Variants in FYN observed in about 807,000 individuals in gnomAD.
FYN encodes the protein tyrosine-protein kinase Fyn.
Under a neutral mutation model 70.2 loss-of-function variants are expected in FYN, and 10 were observed. The ratio of observed to expected loss-of-function variants is 0.14; its 90% CI spans 0.09 to 0.24. The LOEUF (loss-of-function observed/expected upper bound fraction) is 0.24, where lower values mean the gene tolerates loss of function less well. Among genes scored for constraint, FYN ranks in the 10% least tolerant of loss-of-function variants. The pLI is 1.00. For synonymous variants in FYN, 236 were observed against 248.6 expected (o/e 0.95, Z 0.48); for missense variants, 319 against 673.1 (o/e 0.47, Z 5.82).
At chr6:111,861,766 G>A (rs749737188) in intron 1 of FYN, among the ~76,000 whole-genome samples, 10 of 152,158 alleles carry the variant, frequency 6.6e-5, no homozygotes, top group Non-Finnish European at 1.0e-4. Context: ...TTTGAGTTTC[G>A]TTATAGAAAT....
intron 3 of FYN, among the ~76,000 whole-genome samples, chr6:111,743,769 G>A (rs1333038760): frequency 1.3e-5 from 2 of 152,208 alleles, no homozygotes; most frequent in Non-Finnish European, 2.9e-5. Context: ...TTATGAATAT[G>A]TTTAAGATCT....
chr6:111,825,334 T>G (rs2114385605), intron 2 of FYN, among the ~76,000 whole-genome samples: 1 of 152,320 alleles, frequency 6.6e-6, no homozygotes, highest in South Asian at 2.1e-4. Flanking sequence ...AACATAGAGC[T>G]TCTGGGATTT....
At chr6:111,831,450 A>T (rs1773014821) in intron 2 of FYN, among the ~76,000 whole-genome samples, 1 of 152,162 alleles carries the variant, frequency 6.6e-6, no homozygotes, top group Non-Finnish European at 1.5e-5. Flanking sequence ...CCTCACAAAA[A>T]GTTTAATATG....
At position 111,694,280 on chromosome 6, in the gene FYN, C is replaced by A; in HGVS notation, c.1273+95G>T. ...TGAAGAATGACATTTCAAGTATTTT[C>A]TGAAGGAAGGGAAGGGAAGGAGGAA... On this transcript the variant is annotated intron_variant, in intron 12 of 13. Coordinates refer to ENST00000354650, the MANE Select transcript of FYN (RefSeq NM_002037.5). This position sits in a 1 kb window ranked among gnomAD's most constrained non-coding sequence, Gnocchi z 5.0. 1 of 1,471,596 alleles carries A rather than the reference C, an allele frequency of 6.8e-7. No homozygotes were observed. The highest frequency in any genetic ancestry group is 9.3e-7 in the Non-Finnish European group (1 of 1,072,168). 91.2% of individuals were successfully genotyped at this position (1,471,596 alleles called of 1,614,324 possible).
At chr6:111,705,764 G>T (rs1180671978) in intron 6 of FYN, among the ~76,000 whole-genome samples, 1 of 152,154 alleles carries the variant, frequency 6.6e-6, no homozygotes, top group African/African-American at 2.4e-5. Flanking sequence ...CACGAGAATT[G>T]CTTGAACCAG....
At chr6:111,819,294 A>G (rs1772585422) in intron 2 of FYN, among the ~76,000 whole-genome samples, 1 of 152,224 alleles carries the variant, frequency 6.6e-6, no homozygotes, top group African/African-American at 2.4e-5. Context: ...ATAAAACAAC[A>G]TTCCCAAAAG....
Position 111,862,297 on chromosome 6 carries a change from CA to C in FYN, c.-123+10670del, listed in dbSNP as rs1773985461. 2.0e-5 allele frequency among the ~76,000 whole-genome samples: 3 copies of C among 152,108 alleles called. No homozygotes were observed. In the South Asian group the frequency reaches 6.2e-4, roughly 32 times the overall value. ...TTCCCCAATCACCCTAAATTTTTAA[CA>C]AAAAGCTCAAGATTACAAACAAAAA... On this transcript the variant is annotated intron_variant, in intron 1 of 13. Coordinates refer to ENST00000354650, the MANE Select transcript of FYN (RefSeq NM_002037.5).
chr6:111,846,927 C>CACAA, intron 1 of FYN, among the ~76,000 whole-genome samples: 1 of 152,308 alleles, frequency 6.6e-6, no homozygotes, highest in African/African-American at 2.4e-5. Context: ...TACACACACA[C>CACAA]ACACAAACAC....
intron 2 of FYN, among the ~76,000 whole-genome samples, chr6:111,797,741 C>T (rs1335067199): frequency 1.4e-5 from 2 of 144,938 alleles, no homozygotes; most frequent in Non-Finnish European, 3.0e-5. Flanking sequence ...ACACACCCCT[C>T]CCAAAAACGA....
chr6:111,667,292 G>A (rs561141247), intron 13 of FYN, among the ~76,000 whole-genome samples: 9 of 152,280 alleles, frequency 5.9e-5, no homozygotes, highest in African/African-American at 1.9e-4. Context: ...AGCCTGGAGT[G>A]CAGTGGCATG....
At chr6:111,696,962 C>G (rs1249487240) in intron 9 of FYN, 1 of 152,310 alleles carries the variant, frequency 6.6e-6, no homozygotes, top group Non-Finnish European at 1.5e-5. Context: ...GGACAAGTTA[C>G]TTGACTGAGT....
chr6:111,872,799 G>C (rs1774323412), intron 1 of FYN, among the ~76,000 whole-genome samples, 169 bp downstream of exon 1: 1 of 151,692 alleles, frequency 6.6e-6, no homozygotes, highest in South Asian at 2.1e-4. Context: ...TGCAACCGCG[G>C]GAAGACCCCA....
chr6:111,677,695 C>T (rs1391745187), intron 12 of FYN, among the ~76,000 whole-genome samples: 1 of 152,158 alleles, frequency 6.6e-6, no homozygotes, highest in African/African-American at 2.4e-5. Context: ...GTAAACGTTG[C>T]CTTTCCCTTG....
In FYN at chr6:111,842,435, A is replaced by G. The variant is rs7747573; in HGVS notation, c.-82+4154T>C. Among the ~76,000 whole-genome samples, 208 of 151,994 alleles carry G rather than the reference A, an allele frequency of 1.4e-3. 1 individual carries two copies. Among genetic ancestry groups the G allele is most frequent in the African/African-American group, 4.8e-3 (200 of 41,488 alleles). On this transcript the variant is annotated intron_variant, in intron 2 of 13. Transcript: ENST00000354650. ...AATGGCAGGGAGTTGTGCTTATGCT[A>G]TTCTTCCCTTCCTCTTCTTCACTCT...
At chr6:111,730,576 G>A (rs1801402178) in intron 3 of FYN, among the ~76,000 whole-genome samples, 1 of 152,150 alleles carries the variant, frequency 6.6e-6, no homozygotes, top group African/African-American at 2.4e-5. Context: ...TGGTGGGAGA[G>A]GGAAGGGGGC....
At chr6:111,853,031 G>A (rs564129853) in intron 1 of FYN, among the ~76,000 whole-genome samples, 1 of 152,128 alleles carries the variant, frequency 6.6e-6, no homozygotes, top group Non-Finnish European at 1.5e-5. Flanking sequence ...AACATCATAG[G>A]TCTCTGAGAA....
chr6:111,732,560 C>T (rs1361609391), intron 3 of FYN, among the ~76,000 whole-genome samples: 1 of 152,204 alleles, frequency 6.6e-6, no homozygotes, highest in Non-Finnish European at 1.5e-5. Flanking sequence ...ACCAAATCCA[C>T]CCCACCCTCC....
chr6:111,797,711 T>TATATATATAC (rs1554290407), intron 2 of FYN, among the ~76,000 whole-genome samples: 8 of 101,300 alleles, frequency 7.9e-5, no homozygotes, highest in Non-Finnish European at 1.6e-4. Context: ...TATATATATA[T>TATATATATAC]ACACACACAC....
chr6:111,672,647 C>T (rs1798337060), intron 13 of FYN, among the ~76,000 whole-genome samples: 1 of 152,016 alleles, frequency 6.6e-6, no homozygotes, highest in African/African-American at 2.4e-5. Context: ...CTGTAATATC[C>T]ATGAACATAG....
Sources: gnomAD v4.1 joint callset for allele counts (sites outside exome capture counted in the v4.1 genomes callset) on GRCh38, gnomAD v4.1.1 for gene constraint, Gnocchi (gnomAD v3.1) non-coding constraint, MANE v1.5 for transcripts, NCBI Gene and HGNC (gene_info 2026-07-23, HGNC 2026-07-21) for gene names.